NNT: variants seen among roughly 807,000 people sequenced by gnomAD.
NNT encodes the protein nicotinamide nucleotide transhydrogenase, also known as NAD(P) transhydrogenase, mitochondrial.
In NNT, 50 loss-of-function variants were observed where a neutral mutation model predicts 104.8. The observed-to-expected ratio is 0.48, with a 90% CI of 0.38 to 0.60. The LOEUF is 0.60. NNT is among the 20% of genes least tolerant of loss of function. The probability of loss-of-function intolerance (pLI) is 0.00; values close to 1 mark genes in which losing one functional copy is unlikely to be tolerated. For synonymous variants in NNT, 461 were observed against 490.4 expected (o/e 0.94, Z 0.79); for missense variants, 1,131 against 1,330.7 (o/e 0.85, Z 2.33).
In NNT at chr5:43,644,264, T is replaced by A; in HGVS notation, c.1037T>A (p.Leu346Ter). 1 of 1,614,020 alleles carries A rather than the reference T, an allele frequency of 6.2e-7. No homozygotes were observed. Among genetic ancestry groups the A allele is most frequent in the Non-Finnish European group, 8.5e-7 (1 of 1,179,954 alleles). The change falls in exon 8 of 22, where the codon TTA becomes TAA. Residue 346 changes from leucine (L) to a stop codon, truncating the protein, a stop_gained. Coordinates refer to ENST00000344920, the MANE Select transcript of NNT (RefSeq NM_182977.3). LOFTEE classifies it high-confidence loss of function. ...AAGGAAGGTTCAGTTGTTGTGGATT[T>A]AGCTGCTGAGGCTGGTGGAAACTTT... ...SMKEGSVVVD[L>*]AAEAGGNFET...
chr5:43,619,407 A>T (rs1333053187), intron 5 of NNT, among the ~76,000 whole-genome samples: 1 of 152,158 alleles, frequency 6.6e-6, no homozygotes, highest in Non-Finnish European at 1.5e-5. Flanking sequence ...TATATTATTA[A>T]TTTTTAAAAA....
chr5:43,642,904 G>A (rs1751310071), intron 7 of NNT, among the ~76,000 whole-genome samples: 1 of 152,094 alleles, frequency 6.6e-6, no homozygotes, highest in South Asian at 2.1e-4. Context: ...GGCTACTAAT[G>A]CTCTGCTTTC....
chr5:43,664,899 C>T (rs1172326279), intron 17 of NNT, among the ~76,000 whole-genome samples: 15 of 152,174 alleles, frequency 9.9e-5, no homozygotes. Flanking sequence ...ATTGTGGATA[C>T]ATGTTTAACA....
At position 43,616,573 on chromosome 5, in the gene NNT, A is replaced by G. The variant is rs1056307743; in HGVS notation, c.599+508A>G. 4.6e-5 allele frequency among the ~76,000 whole-genome samples: 7 copies of G among 152,388 alleles called. No individual in the cohort carries two copies. The East Asian group carries it at 1.3e-3, about 29-fold the overall frequency. ...GAAGTTTCATCTGATGTCAAAACCC[A>G]TATTGATAACTGAGGGCTATGTCTT... On this transcript the variant is annotated intron_variant, in intron 4 of 21. Transcript: ENST00000344920.
chr5:43,651,881 A>G lies in NNT; in HGVS notation c.1860A>G (p.Glu620=). 6.2e-7 allele frequency: 1 copy of G among 1,613,852 alleles called. No individual in the cohort carries two copies. The highest frequency in any genetic ancestry group is 1.3e-5 in the African/African-American group (1 of 75,020). The part of the protein sequence containing the change: ...LAALYSGYNI[E]QIMYLGSGLC... ...CCCTCTACAGTGGTTATAACATTGA[A>G]CAGGTAAGATGCTCTTTGTAAGTTT... The change falls in exon 13 of 22, where the codon GAA becomes GAG. Residue 620 remains glutamate, a synonymous_variant. Transcript: ENST00000344920.
intron 17 of NNT, among the ~76,000 whole-genome samples, chr5:43,673,408 A>G (rs1226414591): frequency 6.6e-6 from 1 of 152,192 alleles, no homozygotes; most frequent in Non-Finnish European, 1.5e-5. Context: ...AGCTCTTCCT[A>G]TTCGGCCATC....
intron 19 of NNT, among the ~76,000 whole-genome samples, chr5:43,687,372 T>C (rs16873475): frequency 0.011 from 1,751 of 152,288 alleles, 20 homozygotes; most frequent in African/African-American, 0.04. Context: ...GCTTTGCATG[T>C]TGAAATTCTG....
In NNT at chr5:43,705,003, A is replaced by C. The variant is rs1368059165; in HGVS notation, c.*599A>C. 1 of 152,202 alleles carries C rather than the reference A, an allele frequency of 6.6e-6. No homozygotes were observed. The highest frequency in any genetic ancestry group is 1.5e-5 in the Non-Finnish European group (1 of 68,032). 9.4% of individuals were successfully genotyped at this position (152,202 alleles called of 1,614,324 possible). On this transcript the variant is annotated 3_prime_UTR_variant, in exon 22 of 22. Transcript: ENST00000344920. Reference sequence around the variant, plus strand: ...TTCTCACTACTATTTTAATACATTAAAGGACTAAATAATCTTTCAGAGATG... The same window carrying C: ...TTCTCACTACTATTTTAATACATTACAGGACTAAATAATCTTTCAGAGATG...
intron 13 of NNT, 151 bp from the exon 14 acceptor site, chr5:43,652,866 GA>G (rs1739836842): frequency 1.8e-6 from 1 of 551,834 alleles, no homozygotes; most frequent in South Asian, 4.7e-5. Context: ...AGCAAATCCA[GA>G]AAAAATCAAT....
rs544080355 is a variant in NNT, at chr5:43,613,440, G to A, written c.381+303G>A. The A allele has an allele frequency of 1.0e-4, 26 of 253,482 alleles. No homozygotes were observed. The South Asian group carries it at 1.7e-3, about 16-fold the overall frequency. The allele number at this position is 253,482 out of a possible 1,614,324, so 15.7% of individuals were successfully genotyped here. A position where few individuals can be genotyped will look rare whatever the true frequency, so the allele number is the denominator to read the frequency against. On this transcript the variant is annotated intron_variant, in intron 3 of 21. Transcript: ENST00000344920. Reference sequence around the variant, plus strand: ...GTTCTACATGGTCCATATATATCCAGAGTACCCACACGTGAACATTTACTG... The same window carrying A: ...GTTCTACATGGTCCATATATATCCAAAGTACCCACACGTGAACATTTACTG...
chr5:43,647,953 C>T, intron 10 of NNT: 1 of 476,914 alleles, frequency 2.1e-6, no homozygotes, highest in Non-Finnish European at 4.1e-6. Flanking sequence ...ATAATTTTAC[C>T]TATGAAGACA....
At chr5:43,621,338 T>G (rs1750079860) in intron 5 of NNT, among the ~76,000 whole-genome samples, 1 of 152,210 alleles carries the variant, frequency 6.6e-6, no homozygotes, top group Non-Finnish European at 1.5e-5. Flanking sequence ...CTTGTTCCAG[T>G]GTTGCTCAGG....
chr5:43,650,862 G>T (rs1739721288), intron 12 of NNT, among the ~76,000 whole-genome samples: 2 of 152,126 alleles, frequency 1.3e-5, no homozygotes, highest in South Asian at 2.1e-4. Flanking sequence ...TTGAAGTTGG[G>T]TTAGAGCTAT....
Position 43,659,152 on chromosome 5 carries a change from G to A in NNT, c.2455-19G>A, listed in dbSNP as rs766070200. 6.5e-7 allele frequency: 1 copy of A among 1,536,942 alleles called. No individual in the cohort carries two copies. Among genetic ancestry groups the A allele is most frequent in the East Asian group, 2.4e-5 (1 of 42,058 alleles). On this transcript the variant is annotated intron_variant, in intron 16 of 21. Transcript: ENST00000344920. ...TTTTATGTTATTAATTTTGAGTTCT[G>A]ATTTGATTGTTGTTCTAGGGTGTGA...
At chr5:43,612,837 A>G in intron 2 of NNT, 71 bp from the exon 3 acceptor site, 1 of 1,132,980 alleles carries the variant, frequency 8.8e-7, no homozygotes, top group African/African-American at 1.6e-5. Flanking sequence ...ATTTTCTGAA[A>G]TCTGTTTTTA....
At chr5:43,635,918 A>G (rs779761295) in intron 7 of NNT, among the ~76,000 whole-genome samples, 30 of 152,140 alleles carry the variant, frequency 2.0e-4, no homozygotes, top group Non-Finnish European at 2.9e-4. Context: ...AGTGGCCACA[A>G]TTCAGCCCAT....
chr5:43,674,530 A>G (rs980658535), intron 17 of NNT, among the ~76,000 whole-genome samples: 2 of 152,236 alleles, frequency 1.3e-5, no homozygotes, highest in East Asian at 3.8e-4. Context: ...TAATATATTT[A>G]TTACAGCACT....
At chr5:43,691,484 T>C (rs1181157154) in intron 19 of NNT, among the ~76,000 whole-genome samples, 1 of 152,212 alleles carries the variant, frequency 6.6e-6, no homozygotes, top group East Asian at 1.9e-4. Context: ...CTTTTAAATC[T>C]GTAGTTCTAT....
chr5:43,665,898 T>C (rs1202021029), intron 17 of NNT, among the ~76,000 whole-genome samples: 2 of 151,110 alleles, frequency 1.3e-5, no homozygotes, highest in Non-Finnish European at 3.0e-5. Context: ...GCGGAGATGC[T>C]CCTCACTTCC....
Sources: allele counts gnomAD v4.1 joint callset (sites outside exome capture counted in the v4.1 genomes callset), GRCh38; gene constraint gnomAD v4.1.1; transcripts MANE v1.5; gene names NCBI Gene and HGNC (gene_info 2026-07-23, HGNC 2026-07-21).